The following RBPMS variants were observed in gnomAD, a reference collection of about 807,000 sequenced individuals.
RBPMS encodes RNA binding protein, mRNA processing factor.
In RBPMS, 7 loss-of-function variants were observed where a neutral mutation model predicts 26.8. The observed-to-expected ratio is 0.26, with a 90% CI of 0.15 to 0.49. The LOEUF is 0.49. RBPMS is among the 20% of genes least tolerant of loss of function. The probability of loss-of-function intolerance (pLI) is 0.98; values close to 1 mark genes in which losing one functional copy is unlikely to be tolerated. For missense variants in RBPMS, 186 were observed against 250.0 expected (o/e 0.74, Z 1.73); for synonymous variants, 96 against 93.3 (o/e 1.03, Z -0.17).
chr8:30,411,473 TG>T (rs1809386450), intron 1 of RBPMS, among the ~76,000 whole-genome samples: 1 of 151,830 alleles, frequency 6.6e-6, no homozygotes, highest in African/African-American at 2.4e-5. Context: ...GAGACCAGCA[TG>T]GGCAACATCT....
intron 5 of RBPMS, among the ~76,000 whole-genome samples, chr8:30,529,725 T>C (rs2979505): frequency 0.16 from 24,963 of 151,808 alleles, 2,621 homozygotes; most frequent in South Asian, 0.32. Context: ...GGTTCATCCA[T>C]GTTGTAGCAT....
Position 30,479,397 on chromosome 8 carries a change from T to C in RBPMS, c.246+20T>C, listed in dbSNP as rs773694052. On this transcript the variant is annotated intron_variant, in intron 4 of 8. Coordinates refer to ENST00000397323, the MANE Select transcript of RBPMS (RefSeq NM_001008710.3). ...TTGAATGTAAGTACTAATGATGTAATTGTAGGGGGTTTCCATATGAGGTGG... is the reference window on the plus strand; with the variant it reads ...TTGAATGTAAGTACTAATGATGTAACTGTAGGGGGTTTCCATATGAGGTGG... 14 of 1,553,406 alleles carry C rather than the reference T, an allele frequency of 9.0e-6. No homozygotes were observed. In the African/African-American group the frequency reaches 1.8e-4, roughly 20 times the overall value.
chr8:30,409,604 G>A (rs1809049822), intron 1 of RBPMS, among the ~76,000 whole-genome samples: 1 of 152,168 alleles, frequency 6.6e-6, no homozygotes. Context: ...TTAGCACAGT[G>A]AATATGCGTC....
chr8:30,535,295 C>G (rs1370006095), intron 5 of RBPMS, among the ~76,000 whole-genome samples: 1 of 152,126 alleles, frequency 6.6e-6, no homozygotes, highest in East Asian at 1.9e-4. Context: ...TGAATATGTT[C>G]TGTGTGCCAG....
intron 6 of RBPMS, chr8:30,552,546 C>T (rs1465269075): frequency 6.6e-6 from 1 of 152,222 alleles, no homozygotes; most frequent in Non-Finnish European, 1.5e-5. Flanking sequence ...AGCTCAGCTC[C>T]TGGGGACCTC....
At chr8:30,482,915 A>G (rs879659962) in intron 4 of RBPMS, among the ~76,000 whole-genome samples, 1 of 152,168 alleles carries the variant, frequency 6.6e-6, no homozygotes, top group Non-Finnish European at 1.5e-5. Flanking sequence ...AAGTAAATCA[A>G]ATTCACTAAT....
chr8:30,410,143 T>TACACACACACACACAC (rs34489233), intron 1 of RBPMS, among the ~76,000 whole-genome samples: 58 of 132,202 alleles, frequency 4.4e-4, no homozygotes, highest in Non-Finnish European at 7.1e-4. Context: ...TGACTTAAAA[T>TACACACACACACACAC]ACACACACAC....
intron 5 of RBPMS, among the ~76,000 whole-genome samples, chr8:30,533,013 T>A (rs1265029412): frequency 6.6e-6 from 1 of 152,230 alleles, no homozygotes; most frequent in Non-Finnish European, 1.5e-5. Flanking sequence ...CAGTGTTTGT[T>A]GAAGACAAAC....
chr8:30,473,667 C>T (rs954192819), intron 1 of RBPMS, among the ~76,000 whole-genome samples: 1 of 152,152 alleles, frequency 6.6e-6, no homozygotes, highest in Non-Finnish European at 1.5e-5. Flanking sequence ...CAGCACTATT[C>T]ACAATAGCAA....
At chr8:30,548,221 A>G (rs1826020526) in intron 6 of RBPMS, among the ~76,000 whole-genome samples, 1 of 152,246 alleles carries the variant, frequency 6.6e-6, no homozygotes, top group Non-Finnish European at 1.5e-5. Flanking sequence ...AAGCTTATAC[A>G]CTGAAGAGAG....
chr8:30,558,982 G>A lies in RBPMS; in HGVS notation c.*7+26G>A, dbSNP rs748018818. 4 of 1,599,870 alleles carry A rather than the reference G, an allele frequency of 2.5e-6. No individual in the cohort carries two copies. The South Asian group carries it at 3.3e-5, about 13-fold the overall frequency. On this transcript the variant is annotated intron_variant, in intron 7 of 8. Coordinates refer to ENST00000397323, the MANE Select transcript of RBPMS (RefSeq NM_001008710.3). The stretch of plus-strand genomic sequence containing the variant: ...GTAAGTACTCGCTTTCCTTTGGAAT[G>A]TGCGAAGCCCCTAGAACACATCTGT...
At chr8:30,458,511 G>T (rs1327385985) in intron 1 of RBPMS, among the ~76,000 whole-genome samples, 2 of 151,884 alleles carry the variant, frequency 1.3e-5, no homozygotes, top group African/African-American at 4.8e-5. Flanking sequence ...AGGCAGTCTG[G>T]CTCTACAGTT....
chr8:30,564,069 A>C (rs1475502488), intron 7 of RBPMS: 1 of 152,214 alleles, frequency 6.6e-6, no homozygotes, highest in African/African-American at 2.4e-5. Context: ...ATAAATAATA[A>C]GGCCAGGTAA....
At chr8:30,487,466 TAG>T (rs1304760910) in intron 4 of RBPMS, among the ~76,000 whole-genome samples, 1 of 152,228 alleles carries the variant, frequency 6.6e-6, no homozygotes, top group African/African-American at 2.4e-5. Flanking sequence ...GGTGTTTTGA[TAG>T]AGACTAGTTA....
chr8:30,552,188 G>A (rs1317569010), intron 6 of RBPMS, among the ~76,000 whole-genome samples: 3 of 152,122 alleles, frequency 2.0e-5, no homozygotes, highest in Non-Finnish European at 4.4e-5. Context: ...CCGTCTGGTT[G>A]GGTCAGCTGG....
intron 4 of RBPMS, among the ~76,000 whole-genome samples, chr8:30,496,366 C>T (rs562268479): frequency 3.9e-5 from 6 of 152,178 alleles, no homozygotes; most frequent in Admixed American, 6.5e-5. Context: ...GCGGGGGTTT[C>T]ACCGTGTTAG....
intron 5 of RBPMS, among the ~76,000 whole-genome samples, chr8:30,514,727 T>C (rs984720476): frequency 1.6e-5 from 2 of 123,278 alleles, no homozygotes; most frequent in Non-Finnish European, 3.3e-5. Context: ...GGTTTCCCCA[T>C]GTTGGCCACG....
At chr8:30,452,823 A>G (rs1351286403) in intron 1 of RBPMS, among the ~76,000 whole-genome samples, 4 of 152,166 alleles carry the variant, frequency 2.6e-5, no homozygotes, top group Admixed American at 6.5e-5. Flanking sequence ...GAGATATGCT[A>G]TTTGTCTAAA....
At chr8:30,567,799 A>C (rs932146274) in intron 8 of RBPMS, among the ~76,000 whole-genome samples, 1 of 152,214 alleles carries the variant, frequency 6.6e-6, no homozygotes, top group African/African-American at 2.4e-5. Context: ...AATGCCCCAG[A>C]TGTGCCTGAG....
Sources: gnomAD v4.1 joint callset for allele counts (sites outside exome capture counted in the v4.1 genomes callset) on GRCh38, gnomAD v4.1.1 for gene constraint, MANE v1.5 for transcripts, NCBI Gene and HGNC (gene_info 2026-07-23, HGNC 2026-07-21) for gene names.